Variants in ITGA9 observed in about 807,000 individuals in gnomAD.
ITGA9 encodes the protein integrin subunit alpha 9.
Under a neutral mutation model 127.8 loss-of-function variants are expected in ITGA9, and 56 were observed. That is an observed-to-expected ratio of 0.44 (90% CI 0.35 to 0.55). The LOEUF (loss-of-function observed/expected upper bound fraction) is 0.55. Among genes scored for constraint, ITGA9 ranks in the 20% least tolerant of loss-of-function variants. The pLI is 0.00. For missense variants in ITGA9, 1,196 were observed against 1,347.1 expected, an observed-to-expected ratio of 0.89 and a Z score of 1.76; for synonymous variants, 508 against 514.5, an observed-to-expected ratio of 0.99 and a Z score of 0.17.
intron 22 of ITGA9, chr3:37,749,099 C>T (rs1031669642): frequency 1.8e-5 from 5 of 272,082 alleles, no homozygotes; most frequent in African/African-American, 4.5e-5. Context: ...AAATGGGCCC[C>T]GCTGGGCTAA....
intron 27 of ITGA9, chr3:37,818,191 T>TTAAAAAAAAAAAAAAAAAAA (rs1553674108): frequency 1.3e-4 from 4 of 31,970 alleles, no homozygotes; most frequent in East Asian, 1.8e-3. Context: ...TAAGACTCTC[T>TTAAAAAAAAAAAAAAAAAAA]AAAAAAAAAA....
intron 15 of ITGA9, among the ~76,000 whole-genome samples, chr3:37,580,472 T>A (rs189301515): frequency 2.6e-4 from 40 of 152,302 alleles, no homozygotes; most frequent in African/African-American, 9.1e-4. Flanking sequence ...GGAGAGGTGA[T>A]GTAACCAGGG....
intron 25 of ITGA9, among the ~76,000 whole-genome samples, chr3:37,783,627 G>A (rs1001880367): frequency 2.0e-5 from 3 of 152,064 alleles, no homozygotes; most frequent in East Asian, 1.9e-4. Flanking sequence ...CTTAACCATC[G>A]TGCCTGGCCC....
intron 16 of ITGA9, among the ~76,000 whole-genome samples, chr3:37,643,259 CTT>C (rs546522634): frequency 4.2e-4 from 64 of 152,300 alleles, no homozygotes; most frequent in Admixed American, 7.8e-4. Context: ...GGTAAATACT[CTT>C]TTCAAAGAGG....
intron 24 of ITGA9, 125 bp downstream of exon 24, chr3:37,777,642 C>A: frequency 9.9e-7 from 1 of 1,014,820 alleles, no homozygotes; most frequent in Non-Finnish European, 1.5e-6. Flanking sequence ...AAGGCACAGA[C>A]TGTGGTCAAC....
At chr3:37,621,178 C>G (rs1332502266) in intron 15 of ITGA9, among the ~76,000 whole-genome samples, 1 of 152,188 alleles carries the variant, frequency 6.6e-6, no homozygotes, top group Admixed American at 6.5e-5. Flanking sequence ...CTCTCATTCT[C>G]TCTTGTCTGC....
chr3:37,490,973 C>CCCCA lies in ITGA9; in HGVS notation c.545-3528_545-3527insCCCA, dbSNP rs397726826. ...TGGGTCTCAGATTTGGCTTCCCCCC[C>CCCCA]GCTTTTTTTTTTTTTTTTTTTGAGA... On this transcript the variant is annotated intron_variant, in intron 4 of 27. Transcript: ENST00000264741. Among the ~76,000 whole-genome samples, 516 of 133,280 alleles carry CCCCA rather than the reference C, an allele frequency of 3.9e-3. 13 individuals are homozygous for CCCCA. Among genetic ancestry groups the CCCCA allele is most frequent in the Admixed American group, 8.2e-3 (111 of 13,502 alleles). 87.4% of individuals were successfully genotyped at this position (133,280 alleles called of 152,430 possible). A position where few individuals can be genotyped will look rare whatever the true frequency, so the allele number is the denominator to read the frequency against.
chr3:37,533,389 C>T lies in ITGA9; in HGVS notation c.1449C>T (p.His483=), dbSNP rs766014507. 82 of 1,614,046 alleles carry T rather than the reference C, an allele frequency of 5.1e-5. No homozygotes were observed. Among genetic ancestry groups the T allele is most frequent in the Admixed American group, 3.3e-5 (2 of 59,994 alleles). The change falls in exon 14 of 28, where the codon CAC becomes CAT. Residue 483 remains histidine (H), a synonymous_variant. Transcript: ENST00000264741. ...GSINITAPQC[H]DGQQPVNCLN... The stretch of plus-strand genomic sequence containing the variant: ...TCAACATCACAGCGCCTCAGTGTCA[C>T]GACGGACAGCAGCCTGTGAACTGCC...
At chr3:37,780,162 G>A in intron 25 of ITGA9, 141 bp downstream of exon 25, 1 of 934,380 alleles carries the variant, frequency 1.1e-6, no homozygotes, top group Non-Finnish European at 1.7e-6. Context: ...CCTTTTGGCT[G>A]TCTACAAGAG....
In ITGA9 at chr3:37,531,050, C is replaced by T. The variant is rs557406191; in HGVS notation, c.1374-2264C>T. On this transcript the variant is annotated intron_variant, in intron 13 of 27. Transcript: ENST00000264741. Reference sequence around the variant, plus strand: ...ACAGGCGTGAGCCACCGCGCCCGGCCGCTACCAGCTTCTTAAGAAAAAAAA... The same window carrying T: ...ACAGGCGTGAGCCACCGCGCCCGGCTGCTACCAGCTTCTTAAGAAAAAAAA... Among the ~76,000 whole-genome samples, 206 of 152,130 alleles carry T rather than the reference C, an allele frequency of 1.4e-3. 1 individual carries two copies. The highest frequency in any genetic ancestry group is 4.7e-3 in the African/African-American group (197 of 41,508).
At chr3:37,812,850 T>G (rs1313759277) in intron 27 of ITGA9, among the ~76,000 whole-genome samples, 1 of 152,264 alleles carries the variant, frequency 6.6e-6, no homozygotes, top group East Asian at 1.9e-4. Flanking sequence ...ATTGACTCCA[T>G]TGGCTTGGAA....
Position 37,511,998 on chromosome 3 carries a change from CT to C in ITGA9, c.898-1761del, listed in dbSNP as rs1559524339. ...CTTTTCTTTTCTTTTCTTTTCTTTTCTTTTCTTTTCTTTTCTTTTCTTTTCT... is the reference window on the plus strand; with the variant it reads ...CTTTTCTTTTCTTTTCTTTTCTTTTCTTTCTTTTCTTTTCTTTTCTTTTCT... On this transcript the variant is annotated intron_variant, in intron 8 of 27. Transcript: ENST00000264741. Among the ~76,000 whole-genome samples the C allele has an allele frequency of 2.1e-3, 84 of 40,180 alleles. 3 individuals are homozygous for C. The highest frequency in any genetic ancestry group is 3.3e-3 in the Admixed American group (11 of 3,364). The allele number at this position is 40,180 out of a possible 152,430, so 26.4% of individuals were successfully genotyped here.
chr3:37,682,974 C>T (rs1264024933), intron 17 of ITGA9, among the ~76,000 whole-genome samples: 1 of 152,196 alleles, frequency 6.6e-6, no homozygotes, highest in Non-Finnish European at 1.5e-5. Context: ...CCGTTCACAT[C>T]ATAGCCAATG....
intron 18 of ITGA9, among the ~76,000 whole-genome samples, chr3:37,699,279 C>G (rs965707309): frequency 6.6e-6 from 1 of 152,140 alleles, no homozygotes; most frequent in Non-Finnish European, 1.5e-5. Flanking sequence ...CGTTGGGTAC[C>G]AAATTGCCTG....
chr3:37,750,338 C>T (rs1696567209), intron 22 of ITGA9, 124 bp from the exon 23 acceptor site: 1 of 709,308 alleles, frequency 1.4e-6, no homozygotes, highest in Non-Finnish European at 2.6e-6. Context: ...TTGTGACCTT[C>T]CAGATCCGAA....
intron 24 of ITGA9, among the ~76,000 whole-genome samples, 193 bp from the exon 25 acceptor site, chr3:37,779,709 C>G (rs542893762): frequency 3.7e-4 from 57 of 152,302 alleles, no homozygotes; most frequent in South Asian, 1.4e-3. Context: ...AAGGCATGCT[C>G]TGGTTCCCAC....
intron 18 of ITGA9, among the ~76,000 whole-genome samples, chr3:37,717,040 C>CT (rs1701143137): frequency 1.3e-5 from 2 of 152,198 alleles, no homozygotes; most frequent in Non-Finnish European, 2.9e-5. Flanking sequence ...AAGAGACAGC[C>CT]TGTGTGCTCC....
intron 18 of ITGA9, among the ~76,000 whole-genome samples, chr3:37,729,285 AG>A (rs1048159017): frequency 3.1e-4 from 47 of 152,318 alleles, no homozygotes; most frequent in African/African-American, 9.9e-4. Flanking sequence ...TGGTGCTGAC[AG>A]GCAGCAGAAG....
intron 23 of ITGA9, among the ~76,000 whole-genome samples, chr3:37,755,443 G>C (rs889161879): frequency 3.9e-5 from 6 of 152,088 alleles, no homozygotes; most frequent in African/African-American, 7.2e-5. Context: ...GCAATCAAAA[G>C]AACTAATACC....
Sources: gnomAD v4.1 joint callset for allele counts (sites outside exome capture counted in the v4.1 genomes callset) on GRCh38, gnomAD v4.1.1 for gene constraint, MANE v1.5 for transcripts, NCBI Gene and HGNC (gene_info 2026-07-23, HGNC 2026-07-21) for gene names.